DMXL1: variants seen among roughly 807,000 people sequenced by gnomAD.
DMXL1 encodes the protein Dmx like 1, also known as dmX-like protein 1.
DMXL1 carries 99 observed loss-of-function variants against 319.2 expected under a neutral mutation model. That is an observed-to-expected ratio of 0.31 (90% CI 0.26 to 0.37). The LOEUF (loss-of-function observed/expected upper bound fraction) is 0.37. Among genes scored for constraint, DMXL1 ranks in the 10% least tolerant of loss-of-function variants. The pLI, the probability that DMXL1 is intolerant of heterozygous loss-of-function variation, is 1.00. For synonymous variants in DMXL1, 1,385 were observed against 1,235.2 expected, an observed-to-expected ratio of 1.12 and a Z score of -2.54; for missense variants, 3,745 against 3,595.6, an observed-to-expected ratio of 1.04 and a Z score of -1.06.
chr5:119,093,538 A>G (rs1302422830), intron 1 of DMXL1, among the ~76,000 whole-genome samples: 3 of 152,074 alleles, frequency 2.0e-5, no homozygotes, highest in Admixed American at 2.0e-4. Context: ...CTCCCTATTC[A>G]CTGAGACACA....
At position 119,105,187 on chromosome 5, in the gene DMXL1, A is replaced by G; in HGVS notation, c.293A>G (p.Tyr98Cys). Residue 98 changes from tyrosine to cysteine, a missense_variant, in exon 4 of 44, where the codon TAT becomes TGT. Tyr to Cys is a radical substitution (Grantham distance 194). This residue lies in a region of DMXL1 where 2,096 missense variants were observed against 1,985.4 expected (regional missense o/e 1.06). Coordinates refer to ENST00000539542, the MANE Select transcript of DMXL1 (RefSeq NM_001290321.3). ...LPKQKKNLEL[Y>C]SQWQKSGQFF... ...GACTTTTCTTAATTTTAGGAATTAT[A>G]TAGTCAGTGGCAGAAAAGTGGCCAA... 6.2e-7 allele frequency: 1 copy of G among 1,608,270 alleles called. No individual in the cohort carries two copies. The highest frequency in any genetic ancestry group is 8.5e-7 in the Non-Finnish European group (1 of 1,174,968).
intron 34 of DMXL1, among the ~76,000 whole-genome samples, chr5:119,207,658 A>G (rs1183258801): frequency 6.6e-6 from 1 of 152,052 alleles, no homozygotes; most frequent in East Asian, 1.9e-4. Context: ...AGCTGGGATT[A>G]TAGGCGCCCA....
intron 9 of DMXL1, among the ~76,000 whole-genome samples, chr5:119,121,849 T>A (rs1206215516): frequency 1.3e-5 from 2 of 150,824 alleles, no homozygotes; most frequent in South Asian, 2.1e-4. Flanking sequence ...CACTTCCCAG[T>A]AGGGGTGGCC....
At chr5:119,242,823 A>G (rs1789080620) in intron 42 of DMXL1, among the ~76,000 whole-genome samples, 1 of 152,204 alleles carries the variant, frequency 6.6e-6, no homozygotes, top group East Asian at 1.9e-4. Flanking sequence ...CTTATGTTTA[A>G]TATGTCACAG....
intron 3 of DMXL1, chr5:119,104,177 A>G (rs749269523): frequency 1.3e-5 from 2 of 152,216 alleles, no homozygotes; most frequent in African/African-American, 2.4e-5. Context: ...CACAACTACC[A>G]TTGGATACAT....
chr5:119,125,884 A>G (rs1045752593), intron 9 of DMXL1, among the ~76,000 whole-genome samples: 2 of 152,232 alleles, frequency 1.3e-5, no homozygotes, highest in African/African-American at 2.4e-5. Context: ...TAAAAAATCC[A>G]AAACAAACAA....
rs143134005 is a variant in DMXL1, at chr5:119,153,775, G to A, written c.4702+1739G>A. Among the ~76,000 whole-genome samples, 1,326 of 152,308 alleles carry A rather than the reference G, an allele frequency of 8.7e-3. 16 individuals carry two copies. The highest frequency in any genetic ancestry group is 0.026 in the South Asian group (126 of 4,826). On this transcript the variant is annotated intron_variant, in intron 19 of 43. Transcript: ENST00000539542. ...TTTTTTAAGGCTGACTGGTACTCCA[G>A]TGTATATACAGGCATACTCCTTTTT...
chr5:119,144,528 A>G lies in DMXL1; in HGVS notation c.2467-8A>G, dbSNP rs761316239. On this transcript the variant is annotated splice_region_variant and splice_polypyrimidine_tract_variant and intron_variant, in intron 14 of 43. Coordinates refer to ENST00000539542, the MANE Select transcript of DMXL1 (RefSeq NM_001290321.3). Reference sequence around the variant, plus strand: ...GGTCAACTTACGTTGATATTTATTTATATTCAGCATGGCAGAAAAACCCAA... The same window carrying G: ...GGTCAACTTACGTTGATATTTATTTGTATTCAGCATGGCAGAAAAACCCAA... The G allele has an allele frequency of 6.3e-7, 1 of 1,579,908 alleles. No individual in the cohort carries two copies. Among genetic ancestry groups the G allele is most frequent in the Non-Finnish European group, 8.6e-7 (1 of 1,161,000 alleles).
At chr5:119,105,532 C>G (rs1198298583) in intron 4 of DMXL1, among the ~76,000 whole-genome samples, 1 of 152,110 alleles carries the variant, frequency 6.6e-6, no homozygotes. Context: ...GAAAAGGAGC[C>G]TTTGGACCTG....
chr5:119,219,118 C>T (rs1784201246), intron 35 of DMXL1, among the ~76,000 whole-genome samples: 1 of 152,154 alleles, frequency 6.6e-6, no homozygotes. Context: ...AGAAAATCAG[C>T]ACTTTACACT....
At chr5:119,099,568 G>C (rs1382097520) in intron 2 of DMXL1, among the ~76,000 whole-genome samples, 5 of 151,992 alleles carry the variant, frequency 3.3e-5, no homozygotes, top group Admixed American at 3.3e-4. Flanking sequence ...CTTTTGTTCT[G>C]TAATCTTTCT....
At chr5:119,201,152 C>G (rs750334767) in intron 32 of DMXL1, among the ~76,000 whole-genome samples, 9 of 152,118 alleles carry the variant, frequency 5.9e-5, no homozygotes, top group Non-Finnish European at 8.8e-5. Context: ...TGTTGGTTTT[C>G]AAGGAGAAAG....
rs1193243062 is a variant in DMXL1 at position 119,167,765 on chromosome 5, C to T, written c.5299C>T (p.His1767Tyr). ...SELCSLNINM[H>Y]HDPFLRSMAY... ...ACTGTGTTCATTGAACATAAATATGCATCATGATCCTTTTCTTCGGAGCAT... is the reference window on the plus strand; with the variant it reads ...ACTGTGTTCATTGAACATAAATATGTATCATGATCCTTTTCTTCGGAGCAT... Residue 1767 changes from histidine (H) to tyrosine (Y), a missense_variant, in exon 23 of 44, where the codon CAT becomes TAT. By Grantham distance (83) the His-to-Tyr change is moderately conservative. Transcript: ENST00000539542. The T allele has an allele frequency of 6.2e-6, 10 of 1,613,386 alleles. No individual in the cohort carries two copies. The highest frequency in any genetic ancestry group is 1.6e-4 in the Middle Eastern group (1 of 6,078).
chr5:119,240,772 C>A (rs1788627734), intron 42 of DMXL1, among the ~76,000 whole-genome samples: 1 of 152,134 alleles, frequency 6.6e-6, no homozygotes, highest in Non-Finnish European at 1.5e-5. Context: ...TCCCCTCTTA[C>A]CACTCCTATT....
chr5:119,197,055 A>G (rs948472901), intron 31 of DMXL1, among the ~76,000 whole-genome samples: 3 of 152,228 alleles, frequency 2.0e-5, no homozygotes, highest in Admixed American at 6.5e-5. Flanking sequence ...GGAATAACTA[A>G]AAGTTGAAAC....
At chr5:119,114,011 G>A (rs1413736780) in intron 5 of DMXL1, among the ~76,000 whole-genome samples, 1 of 152,156 alleles carries the variant, frequency 6.6e-6, no homozygotes. Context: ...TATCTAACAA[G>A]TATATAGGTG....
At chr5:119,076,908 G>C (rs922391181) in intron 1 of DMXL1, among the ~76,000 whole-genome samples, 14 of 152,188 alleles carry the variant, frequency 9.2e-5, no homozygotes, top group African/African-American at 3.1e-4. Context: ...TCTTAAAGTT[G>C]ATAAACCTAA....
intron 1 of DMXL1, among the ~76,000 whole-genome samples, chr5:119,076,523 A>C (rs536818210): frequency 3.3e-5 from 5 of 152,314 alleles, no homozygotes; most frequent in African/African-American, 1.2e-4. Context: ...AAAATATTGC[A>C]AGTACTAAAG....
chr5:119,110,140 AT>A lies in DMXL1; in HGVS notation c.365-3del, dbSNP rs757965604. 3.0e-5 allele frequency: 47 copies of A among 1,582,744 alleles called. No individual in the cohort carries two copies. The highest frequency in any genetic ancestry group is 7.4e-5 in the Admixed American group (4 of 53,830). On this transcript the variant is annotated splice_polypyrimidine_tract_variant and intron_variant, in intron 4 of 43. Transcript: ENST00000539542. ...ACCTAAATAATAAATGAGGAATAAT[AT>A]TTTTTTTAGGCAGTCGTCTTTTAAC...
Sources: allele counts gnomAD v4.1 joint callset (sites outside exome capture counted in the v4.1 genomes callset), GRCh38; gene constraint gnomAD v4.1.1; regional missense constraint gnomAD v4.1.1; transcripts MANE v1.5; gene names NCBI Gene and HGNC (gene_info 2026-07-23, HGNC 2026-07-21).